The following KCNIP4 variants were observed in gnomAD, a reference collection of about 807,000 sequenced individuals.
The protein encoded by KCNIP4 is potassium voltage-gated channel interacting protein 4, also known as Kv channel-interacting protein 4.
KCNIP4 carries 12 observed loss-of-function variants against 34.0 expected under a neutral mutation model. That is an observed-to-expected ratio of 0.35 (90% CI 0.23 to 0.57). The LOEUF is 0.57. Among genes scored for constraint, KCNIP4 ranks in the 20% least tolerant of loss-of-function variants. The probability of loss-of-function intolerance (pLI) is 0.83; values close to 1 mark genes in which losing one functional copy is unlikely to be tolerated. For missense variants in KCNIP4, 238 were observed against 311.7 expected, an observed-to-expected ratio of 0.76 and a Z score of 1.78; for synonymous variants, 124 against 102.2, an observed-to-expected ratio of 1.21 and a Z score of -1.29.
At chr4:21,724,341 A>C (rs185525591) in intron 1 of KCNIP4, among the ~76,000 whole-genome samples, 82 of 151,872 alleles carry the variant, frequency 5.4e-4, no homozygotes, top group Middle Eastern at 3.4e-3. Flanking sequence ...CTGAGTCTCA[A>C]AGCCATCTAT....
chr4:21,438,910 C>T (rs1000954539), intron 1 of KCNIP4, among the ~76,000 whole-genome samples: 2 of 152,082 alleles, frequency 1.3e-5, no homozygotes, highest in African/African-American at 2.4e-5. Context: ...CGCCTGTAAT[C>T]CCAGCACTTT....
At chr4:21,290,452 G>C (rs923417986) in intron 1 of KCNIP4, among the ~76,000 whole-genome samples, 1 of 152,046 alleles carries the variant, frequency 6.6e-6, no homozygotes, top group Non-Finnish European at 1.5e-5. Flanking sequence ...GTTCAAAGAA[G>C]AAATGAAAAA....
At chr4:21,405,247 T>C (rs1723879149) in intron 1 of KCNIP4, among the ~76,000 whole-genome samples, 1 of 152,192 alleles carries the variant, frequency 6.6e-6, no homozygotes, top group Admixed American at 6.5e-5. Flanking sequence ...TCTCATGCCA[T>C]GTTTGGAGTT....
Position 21,418,616 on chromosome 4 carries a change from A to C in KCNIP4, c.61+529955T>G, listed in dbSNP as rs140962637. Among the ~76,000 whole-genome samples the C allele has an allele frequency of 1.6e-4, 24 of 152,300 alleles. No individual in the cohort carries two copies. In the East Asian group the frequency reaches 4.6e-3, roughly 29 times the overall value. ...GGAGAGATATAAAGAGACTTTTGCT[A>C]TGCAATTTTAAAAAATCATCTTTTG... On this transcript the variant is annotated intron_variant, in intron 1 of 8. Transcript: ENST00000382152.
chr4:21,714,907 T>TTA (rs1714135210), intron 1 of KCNIP4, among the ~76,000 whole-genome samples: 1 of 226 alleles, frequency 4.4e-3, no homozygotes, highest in Non-Finnish European at 6.5e-3. Context: ...TTATTTTATT[T>TTA]TATTTTATTT....
At chr4:21,373,871 T>A (rs1398145055) in intron 1 of KCNIP4, among the ~76,000 whole-genome samples, 1 of 146,188 alleles carries the variant, frequency 6.8e-6, no homozygotes, top group African/African-American at 2.8e-5. Context: ...ACCCAGCAAA[T>A]TTTTTGTATT....
intron 3 of KCNIP4, among the ~76,000 whole-genome samples, chr4:20,847,541 G>T (rs1201631315): frequency 7.9e-6 from 1 of 126,498 alleles, no homozygotes; most frequent in Non-Finnish European, 1.9e-5. Context: ...TCTATCAGCT[G>T]CTCACTTTTG....
At chr4:20,829,070 C>T (rs1448111759) in intron 3 of KCNIP4, among the ~76,000 whole-genome samples, 2 of 152,146 alleles carry the variant, frequency 1.3e-5, no homozygotes, top group African/African-American at 4.8e-5. Context: ...CGCTATAAAC[C>T]GGCAGAGGTC....
chr4:21,800,981 A>T (rs1720954881), intron 1 of KCNIP4, among the ~76,000 whole-genome samples: 1 of 152,196 alleles, frequency 6.6e-6, no homozygotes, highest in Non-Finnish European at 1.5e-5. Flanking sequence ...CACTTTCATT[A>T]CATTCATTCT....
chr4:21,067,789 G>C (rs1451060766), intron 1 of KCNIP4, among the ~76,000 whole-genome samples: 1 of 151,974 alleles, frequency 6.6e-6, no homozygotes, highest in Non-Finnish European at 1.5e-5. Flanking sequence ...TTGTTTGGAG[G>C]GAATGTGGTT....
chr4:21,745,443 T>C (rs1716706101), intron 1 of KCNIP4, among the ~76,000 whole-genome samples: 1 of 152,190 alleles, frequency 6.6e-6, no homozygotes, highest in African/African-American at 2.4e-5. Context: ...AATGAACATT[T>C]TCAAAAGAAT....
chr4:21,722,704 G>T (rs1714907088), intron 1 of KCNIP4, among the ~76,000 whole-genome samples: 1 of 152,092 alleles, frequency 6.6e-6, no homozygotes, highest in African/African-American at 2.4e-5. Flanking sequence ...AGAGGGAGCG[G>T]ATGGGTATCT....
intron 1 of KCNIP4, among the ~76,000 whole-genome samples, chr4:21,092,209 GTTAT>G (rs1399204840): frequency 6.6e-6 from 1 of 151,972 alleles, no homozygotes; most frequent in Non-Finnish European, 1.5e-5. Flanking sequence ...CAAGAATCAA[GTTAT>G]TTAATTCCAA....
chr4:20,767,360 T>C (rs923109810), intron 3 of KCNIP4: 1 of 152,034 alleles, frequency 6.6e-6, no homozygotes, highest in Admixed American at 6.6e-5. Context: ...GAAATAAATG[T>C]CAGTAGAAAC....
intron 1 of KCNIP4, among the ~76,000 whole-genome samples, chr4:21,825,884 G>A (rs1722651710): frequency 6.6e-6 from 1 of 152,144 alleles, no homozygotes; most frequent in Non-Finnish European, 1.5e-5. Context: ...GAGGATGGCA[G>A]ATAATTTAGA....
chr4:21,626,606 T>C (rs1745345015), intron 1 of KCNIP4, among the ~76,000 whole-genome samples: 1 of 152,044 alleles, frequency 6.6e-6, no homozygotes, highest in Non-Finnish European at 1.5e-5. Context: ...CAGACTAAGA[T>C]AGTAATACTA....
intron 1 of KCNIP4, among the ~76,000 whole-genome samples, chr4:21,588,684 T>C (rs1741851858): frequency 6.6e-6 from 1 of 151,862 alleles, no homozygotes; most frequent in African/African-American, 2.4e-5. Context: ...TAGCTGGTAA[T>C]GGAAGGAACA....
At chr4:21,852,983 A>G (rs1724505377) in intron 1 of KCNIP4, 1 of 152,188 alleles carries the variant, frequency 6.6e-6, no homozygotes, top group South Asian at 2.1e-4. Flanking sequence ...ACAATCACAG[A>G]TCCCTTGTTG....
intron 1 of KCNIP4, among the ~76,000 whole-genome samples, chr4:21,382,090 G>A (rs1721562034): frequency 6.6e-6 from 1 of 152,104 alleles, no homozygotes; most frequent in East Asian, 1.9e-4. Context: ...ATGTATGCAG[G>A]ATGTGGGAAT....
Sources: allele counts gnomAD v4.1 joint callset (sites outside exome capture counted in the v4.1 genomes callset), GRCh38; gene constraint gnomAD v4.1.1; transcripts MANE v1.5; gene names NCBI Gene and HGNC (gene_info 2026-07-23, HGNC 2026-07-21).